The following BPTF variants were observed in gnomAD, a reference collection of about 807,000 sequenced individuals.
The protein encoded by BPTF is bromodomain PHD finger transcription factor.
BPTF carries 18 observed loss-of-function variants against 292.5 expected under a neutral mutation model. The observed-to-expected ratio is 0.06, with a 90% CI of 0.04 to 0.09. The LOEUF (loss-of-function observed/expected upper bound fraction) is 0.09, where lower values mean the gene tolerates loss of function less well. Ranked by LOEUF, BPTF falls within the 10% of genes least tolerant of loss-of-function variation. The pLI is 1.00. For synonymous variants in BPTF, 1,225 were observed against 1,251.9 expected, an observed-to-expected ratio of 0.98 and a Z score of 0.45; for missense variants, 2,726 against 3,498.7, an observed-to-expected ratio of 0.78 and a Z score of 5.57.
intron 4 of BPTF, chr17:67,875,611 CACA>C: frequency 1.3e-6 from 2 of 1,596,826 alleles, no homozygotes; most frequent in Middle Eastern, 1.7e-4. Flanking sequence ...TTGGCGACAA[CACA>C]ACAAATGCAA....
At chr17:67,883,894 C>T (rs145273025) in intron 4 of BPTF, among the ~76,000 whole-genome samples, 12 of 152,254 alleles carry the variant, frequency 7.9e-5, no homozygotes, top group East Asian at 1.9e-4. Context: ...CCACCGCGCC[C>T]GGCTCGTTTT....
In BPTF at chr17:67,940,509, C is replaced by T. The variant is rs781786043; in HGVS notation, c.6330C>T (p.Asn2110=). The part of the protein sequence containing the change: ...QPVSTAVSAP[N]TVSSTPGQKS... ...TCTCCACTGCAGTCTCCGCCCCTAACACGGTTTCCTCAACACCTGGGCAGA... is the reference window on the plus strand; with the variant it reads ...TCTCCACTGCAGTCTCCGCCCCTAATACGGTTTCCTCAACACCTGGGCAGA... The change falls in exon 19 of 28, where the codon AAC becomes AAT. Residue 2110 remains asparagine (N), a synonymous_variant. Coordinates refer to ENST00000306378, the MANE Select transcript of BPTF (RefSeq NM_182641.4). 2.5e-6 allele frequency: 4 copies of T among 1,614,098 alleles called. No individual in the cohort carries two copies. The South Asian group carries it at 3.3e-5, about 13-fold the overall frequency.
In BPTF at chr17:67,913,489, A is replaced by G. The variant is rs2062786426; in HGVS notation, c.5303+302A>G. On this transcript the variant is annotated intron_variant, in intron 11 of 27. Coordinates refer to ENST00000306378, the MANE Select transcript of BPTF (RefSeq NM_182641.4). The stretch of plus-strand genomic sequence containing the variant: ...CAGATGTGATTGTTTTTGTGGTCTG[A>G]TTTTCTGAGTTACTGCTCTGGGAAC... 2.0e-5 allele frequency among the ~76,000 whole-genome samples: 3 copies of G among 152,114 alleles called. No homozygotes were observed. In the South Asian group the frequency reaches 6.2e-4, roughly 31 times the overall value.
At chr17:67,855,707 A>G (rs777364482) in intron 2 of BPTF, among the ~76,000 whole-genome samples, 1 of 152,206 alleles carries the variant, frequency 6.6e-6, no homozygotes, top group Admixed American at 6.5e-5. Context: ...CTGTAGATAT[A>G]TGGTCAGAGG....
At chr17:67,978,225 C>T (rs1431230330) in intron 27 of BPTF, among the ~76,000 whole-genome samples, 2 of 151,750 alleles carry the variant, frequency 1.3e-5, no homozygotes, top group Admixed American at 6.6e-5. Context: ...TGAGCTCAAG[C>T]GATCCTCCCA....
At chr17:67,982,197 A>G (rs1555696969) in intron 27 of BPTF, 55 bp from the exon 28 acceptor site, 1 of 1,521,926 alleles carries the variant, frequency 6.6e-7, no homozygotes, top group Non-Finnish European at 9.1e-7. Flanking sequence ...ATAAAGCATC[A>G]TTGTTTTCAA....
At chr17:67,857,208 T>C (rs187391144) in intron 2 of BPTF, among the ~76,000 whole-genome samples, 1 of 140,282 alleles carries the variant, frequency 7.1e-6, no homozygotes, top group East Asian at 2.3e-4. Context: ...CAGGCTGGAG[T>C]GCGAGTGCAA....
intron 4 of BPTF, among the ~76,000 whole-genome samples, chr17:67,878,381 T>C (rs2060176638): frequency 6.6e-6 from 1 of 152,218 alleles, no homozygotes; most frequent in Admixed American, 6.5e-5. Context: ...TGCACATACA[T>C]GTGCATTTCT....
chr17:67,881,977 G>C (rs973773929), intron 4 of BPTF, among the ~76,000 whole-genome samples: 11 of 146,742 alleles, frequency 7.5e-5, no homozygotes, highest in African/African-American at 2.5e-4. Flanking sequence ...TGGGATTACA[G>C]GCGCCCACAA....
At position 67,944,189 on chromosome 17, in the gene BPTF, G is replaced by A. The variant is rs782716099; in HGVS notation, c.6517G>A (p.Gly2173Ser). The change falls in exon 20 of 28, where the codon GGT (glycine) becomes AGT (serine). Residue 2173 changes from glycine (G) to serine (S), a missense_variant. Around this residue, in one of 22 missense-constraint regions of BPTF, gnomAD observed 570 missense variants for 633.5 expected, o/e 0.90. Coordinates refer to ENST00000306378, the MANE Select transcript of BPTF (RefSeq NM_182641.4). ...QGLTVVIQGQ[G>S]QTTGQLQLIP... ...TTTGACAGTAGTAATTCAAGGACAAGGTCAAACTACTGGACAGTTGCAGTT... is the reference window on the plus strand; with the variant it reads ...TTTGACAGTAGTAATTCAAGGACAAAGTCAAACTACTGGACAGTTGCAGTT... 5 of 1,614,182 alleles carry A rather than the reference G, an allele frequency of 3.1e-6. No homozygotes were observed. The South Asian group carries it at 3.3e-5, about 11-fold the overall frequency.
chr17:67,882,960 G>A (rs1260605199), intron 4 of BPTF, among the ~76,000 whole-genome samples: 3 of 141,422 alleles, frequency 2.1e-5, no homozygotes, highest in Non-Finnish European at 4.5e-5. Flanking sequence ...ATCACGCCAC[G>A]CCACTGCACT....
intron 5 of BPTF, 25 bp from the exon 6 acceptor site, chr17:67,893,345 G>T (rs775272925): frequency 1.5e-6 from 2 of 1,334,618 alleles, no homozygotes; most frequent in South Asian, 1.2e-5. Context: ...CATAAATAAT[G>T]CAGTCTTTTT....
intron 8 of BPTF, 68 bp from the exon 9 acceptor site, chr17:67,904,634 A>C: frequency 8.4e-7 from 1 of 1,193,850 alleles, no homozygotes; most frequent in Admixed American, 2.5e-5. Flanking sequence ...AAAAATGCAT[A>C]AAACCACATG....
chr17:67,848,629 G>T (rs1567893409), intron 1 of BPTF, among the ~76,000 whole-genome samples: 3 of 152,184 alleles, frequency 2.0e-5, no homozygotes. Flanking sequence ...AACAGATTAT[G>T]ACTACAGTGC....
intron 3 of BPTF, among the ~76,000 whole-genome samples, chr17:67,873,668 G>A (rs779129008): frequency 2.6e-5 from 4 of 152,018 alleles, no homozygotes; most frequent in Non-Finnish European, 5.9e-5. Flanking sequence ...TAAGCAAGTG[G>A]GCAATGGTAA....
chr17:67,892,837 A>C (rs1169414454), intron 5 of BPTF, among the ~76,000 whole-genome samples: 1 of 152,226 alleles, frequency 6.6e-6, no homozygotes, highest in Non-Finnish European at 1.5e-5. Flanking sequence ...TATTTTTTAA[A>C]AAAGCTGAAT....
intron 1 of BPTF, among the ~76,000 whole-genome samples, chr17:67,833,131 G>C (rs552535914): frequency 7.2e-5 from 11 of 152,104 alleles, no homozygotes; most frequent in Admixed American, 4.6e-4. Flanking sequence ...TTATAAAGTG[G>C]AATCATATAA....
At chr17:67,928,659 C>CTAAA in intron 16 of BPTF, 58 bp downstream of exon 16, 3 of 1,496,402 alleles carry the variant, frequency 2.0e-6, no homozygotes, top group Non-Finnish European at 2.7e-6. Context: ...AATTTTCAAC[C>CTAAA]CTTTAGCTAC....
At chr17:67,845,738 A>T (rs535753142) in intron 1 of BPTF, among the ~76,000 whole-genome samples, 1 of 152,070 alleles carries the variant, frequency 6.6e-6, no homozygotes, top group African/African-American at 2.4e-5. Context: ...GCACCACTGC[A>T]CTCTAGCCTG....
Sources: gnomAD v4.1 joint callset for allele counts (sites outside exome capture counted in the v4.1 genomes callset) on GRCh38, gnomAD v4.1.1 for gene constraint, gnomAD v4.1.1 regional missense constraint, MANE v1.5 for transcripts, NCBI Gene and HGNC (gene_info 2026-07-23, HGNC 2026-07-21) for gene names.